ZDHHC7: variants seen among roughly 807,000 people sequenced by gnomAD.
ZDHHC7 encodes the protein palmitoyltransferase ZDHHC7.
In ZDHHC7, 12 loss-of-function variants were observed where a neutral mutation model predicts 34.1. The observed-to-expected ratio is 0.35, with a 90% confidence interval of 0.23 to 0.57. The LOEUF (loss-of-function observed/expected upper bound fraction) is 0.57. ZDHHC7 is among the 20% of genes least tolerant of loss of function. The pLI is 0.84. For missense variants in ZDHHC7, 388 were observed against 402.7 expected (o/e 0.96, Z 0.31); for synonymous variants, 185 against 155.4 (o/e 1.19, Z -1.42).
chr16:84,996,503 C>T (rs2072578776), intron 1 of ZDHHC7, among the ~76,000 whole-genome samples: 1 of 152,122 alleles, frequency 6.6e-6, no homozygotes, highest in Non-Finnish European at 1.5e-5. Context: ...AGAGCAGAGA[C>T]TCCTGGCACG....
chr16:84,987,498 CT>C (rs1423350934), intron 3 of ZDHHC7, among the ~76,000 whole-genome samples: 4 of 145,982 alleles, frequency 2.7e-5, no homozygotes, highest in East Asian at 4.0e-4. Flanking sequence ...TTTCCATTTT[CT>C]TTTTTTTCCC....
intron 3 of ZDHHC7, among the ~76,000 whole-genome samples, chr16:84,985,543 A>AG (rs2072425299): frequency 6.6e-6 from 1 of 152,224 alleles, no homozygotes. Flanking sequence ...ACCCCAAGGG[A>AG]AAAAAAGACA....
At chr16:84,981,488 C>G (rs1270426294) in intron 4 of ZDHHC7, among the ~76,000 whole-genome samples, 2 of 152,238 alleles carry the variant, frequency 1.3e-5, no homozygotes, top group East Asian at 3.8e-4. Flanking sequence ...GGGGAAGGTT[C>G]TGAGCCTTTC....
chr16:84,992,663 A>C (rs2072526716), intron 2 of ZDHHC7, among the ~76,000 whole-genome samples: 1 of 152,130 alleles, frequency 6.6e-6, no homozygotes, highest in Non-Finnish European at 1.5e-5. Flanking sequence ...ATTTTAACGA[A>C]CTGACCCGGG....
the ZDHHC7 span, among the ~76,000 whole-genome samples, chr16:85,027,597 G>T: frequency 6.6e-6 from 1 of 152,170 alleles, no homozygotes; most frequent in African/African-American, 2.4e-5. Flanking sequence ...ACCCGAGAGC[G>T]CTCCCACCGA....
At chr16:84,992,469 C>G (rs1257897419) in intron 2 of ZDHHC7, among the ~76,000 whole-genome samples, 1 of 152,164 alleles carries the variant, frequency 6.6e-6, no homozygotes, top group East Asian at 1.9e-4. Context: ...GACACTCCCT[C>G]TCCAGAAACA....
At chr16:84,990,084 C>T (rs1286967994) in intron 3 of ZDHHC7, among the ~76,000 whole-genome samples, 3 of 152,186 alleles carry the variant, frequency 2.0e-5, no homozygotes, top group African/African-American at 7.2e-5. Flanking sequence ...TGGTGGCCTG[C>T]AAGGCGTCAG....
chr16:84,977,546 G>A (rs12102756), intron 6 of ZDHHC7, among the ~76,000 whole-genome samples: 3,408 of 152,334 alleles, frequency 0.022, 127 homozygotes, highest in African/African-American at 0.076. Context: ...CCAGTGAGCA[G>A]TGCTCACAGG....
chr16:84,983,532 A>C (rs2072397924), intron 3 of ZDHHC7, among the ~76,000 whole-genome samples: 1 of 152,104 alleles, frequency 6.6e-6, no homozygotes, highest in African/African-American at 2.4e-5. Flanking sequence ...GTGAGTGTTG[A>C]CTGCCCAAAC....
intron 3 of ZDHHC7, among the ~76,000 whole-genome samples, chr16:84,989,287 G>C (rs2072477341): frequency 6.6e-6 from 1 of 152,164 alleles, no homozygotes; most frequent in Admixed American, 6.5e-5. Flanking sequence ...AGTAAAACAG[G>C]AGACAGTAAA....
At chr16:85,019,583 G>A in the ZDHHC7 span, among the ~76,000 whole-genome samples, 1 of 152,116 alleles carries the variant, frequency 6.6e-6, no homozygotes, top group Non-Finnish European at 1.5e-5. Flanking sequence ...CGGGCGTGGT[G>A]GCAGGCACCT....
upstream of ZDHHC7, among the ~76,000 whole-genome samples, chr16:85,012,180 G>A (rs933832074): frequency 2.0e-5 from 3 of 152,102 alleles, no homozygotes; most frequent in Admixed American, 2.0e-4. Context: ...TCAGGAGTTC[G>A]AGACCAGCCT....
chr16:85,002,918 G>T (rs186503064), intron 1 of ZDHHC7, among the ~76,000 whole-genome samples: 1 of 151,370 alleles, frequency 6.6e-6, no homozygotes, highest in Admixed American at 6.6e-5. Context: ...GTGGAGAGGC[G>T]GCGGCCAAGA....
the ZDHHC7 span, among the ~76,000 whole-genome samples, chr16:85,025,282 A>G: frequency 6.6e-6 from 1 of 151,132 alleles, no homozygotes; most frequent in Non-Finnish European, 1.5e-5. Flanking sequence ...AAAAAAAAAG[A>G]GCCTAATCTG....
intron 3 of ZDHHC7, 67 bp from the exon 4 acceptor site, chr16:84,982,061 G>A: frequency 6.3e-7 from 1 of 1,597,382 alleles, no homozygotes; most frequent in Non-Finnish European, 8.6e-7. Flanking sequence ...GCCGGGCGCA[G>A]TGGGTCACAC....
chr16:84,983,786 G>C (rs905542513), intron 3 of ZDHHC7, among the ~76,000 whole-genome samples: 3 of 151,872 alleles, frequency 2.0e-5, no homozygotes, highest in Non-Finnish European at 4.4e-5. Flanking sequence ...TGGATCACGA[G>C]GTTAGGAGTT....
At chr16:85,015,421 A>T (rs1024462700), upstream of ZDHHC7, among the ~76,000 whole-genome samples, 1 of 152,136 alleles carries the variant, frequency 6.6e-6, no homozygotes, top group Non-Finnish European at 1.5e-5. Context: ...TAACAGACCT[A>T]AGAAAGGTGC....
chr16:85,019,216 T>C, the ZDHHC7 span, among the ~76,000 whole-genome samples: 11 of 152,334 alleles, frequency 7.2e-5, no homozygotes, highest in African/African-American at 2.6e-4. Context: ...CCTTCCCTGG[T>C]TTACTCCTTG....
the ZDHHC7 span, among the ~76,000 whole-genome samples, chr16:85,026,341 C>G: frequency 6.6e-6 from 1 of 152,088 alleles, no homozygotes; most frequent in Admixed American, 6.6e-5. Flanking sequence ...CGTACCCACT[C>G]GCCTGTAGCA....
Sources: gnomAD v4.1 joint callset for allele counts (sites outside exome capture counted in the v4.1 genomes callset) on GRCh38, gnomAD v4.1.1 for gene constraint, MANE v1.5 for transcripts, NCBI Gene and HGNC (gene_info 2026-07-23, HGNC 2026-07-21) for gene names.